The following CDK7 variants were observed in gnomAD, a reference collection of about 807,000 sequenced individuals.
The protein encoded by CDK7 is cyclin-dependent kinase 7.
CDK7 carries 25 observed loss-of-function variants against 49.1 expected under a neutral mutation model. That is an observed-to-expected ratio of 0.51 (90% CI 0.37 to 0.71). The LOEUF (loss-of-function observed/expected upper bound fraction) is 0.71, where lower values mean the gene tolerates loss of function less well. Among genes scored for constraint, CDK7 ranks in the 30% least tolerant of loss-of-function variants. The probability of loss-of-function intolerance (pLI) is 0.00; values close to 1 mark genes in which losing one functional copy is unlikely to be tolerated. For missense variants in CDK7, 316 were observed against 411.7 expected (o/e 0.77, Z 2.01); for synonymous variants, 107 against 140.0 (o/e 0.76, Z 1.67).
At chr5:69,248,827 G>T in intron 2 of CDK7, among the ~76,000 whole-genome samples, 1 of 109,314 alleles carries the variant, frequency 9.1e-6, no homozygotes, top group Non-Finnish European at 1.9e-5. Flanking sequence ...TTTGGAGACG[G>T]AGTCTTGTTT....
rs1488262538 is a variant in CDK7, at chr5:69,256,347, GT to G, written c.297+824del. ...TTTTGAAAGCCAAGTTTTTTTGTTT[GT>G]TTTTGTTTTTGTTTTGTTTTTTTGA... On this transcript the variant is annotated intron_variant, in intron 5 of 11. Transcript: ENST00000256443. Among the ~76,000 whole-genome samples, 25 of 151,906 alleles carry G rather than the reference GT, an allele frequency of 1.6e-4. 1 individual carries two copies. Among genetic ancestry groups the G allele is most frequent in the Admixed American group, 1.4e-3 (22 of 15,230 alleles).
chr5:69,243,822 A>ATTT (rs1749537849), intron 2 of CDK7, among the ~76,000 whole-genome samples: 1 of 105,830 alleles, frequency 9.4e-6, no homozygotes, highest in African/African-American at 3.5e-5. Context: ...CACCAATGAT[A>ATTT]GTTGTTTTTT....
intron 7 of CDK7, among the ~76,000 whole-genome samples, chr5:69,261,675 C>T (rs1750835634): frequency 1.3e-5 from 2 of 152,088 alleles, no homozygotes; most frequent in South Asian, 2.1e-4. Flanking sequence ...GGATTACAGG[C>T]GCCCACCACC....
intron 6 of CDK7, 43 bp from the exon 7 acceptor site, chr5:69,259,775 C>A (rs760988871): frequency 1.6e-6 from 2 of 1,280,558 alleles, no homozygotes. Flanking sequence ...CAGTGTTCTC[C>A]CCTACCCTGC....
intron 8 of CDK7, among the ~76,000 whole-genome samples, chr5:69,268,768 A>G (rs930081378): frequency 2.2e-5 from 3 of 137,256 alleles, no homozygotes; most frequent in Non-Finnish European, 4.6e-5. Context: ...CAGGAGAATG[A>G]CCTGAACCCA....
In CDK7 at chr5:69,276,657, A is replaced by T. The variant is rs746938896; in HGVS notation, c.979A>T (p.Ile327Leu). The change falls in exon 11 of 12, where the codon ATA becomes TTA. Residue 327 changes from isoleucine (I) to leucine (L), a missense_variant. Physicochemically the swap from Ile to Leu is conservative, Grantham distance 5 (BLOSUM62 2). Coordinates refer to ENST00000256443, the MANE Select transcript of CDK7 (RefSeq NM_001799.4). ...LKEQSNPALA[I>L]KRKRTEALEQ... ...GGAGCAATCAAATCCAGCTTTGGCA[A>T]TAAAAAGGAAAAGAACAGAGGCCTT... is the stretch of plus-strand genomic sequence containing the variant. 52 of 1,614,106 alleles carry T rather than the reference A, an allele frequency of 3.2e-5. No individual in the cohort carries two copies. In the South Asian group the frequency reaches 5.6e-4, roughly 17 times the overall value.
At chr5:69,252,474 CAGAT>C (rs769177208) in intron 3 of CDK7, 23 bp downstream of exon 3, 2 of 879,370 alleles carry the variant, frequency 2.3e-6, no homozygotes, top group Non-Finnish European at 3.4e-6. Context: ...TGTAATCTGA[CAGAT>C]AGGAAAAGTT....
At chr5:69,242,655 T>C (rs1749469248) in intron 2 of CDK7, among the ~76,000 whole-genome samples, 5 of 152,206 alleles carry the variant, frequency 3.3e-5, no homozygotes. Context: ...GAAAGGACTG[T>C]TAATCATCTT....
chr5:69,246,199 C>T (rs770507805), intron 2 of CDK7, among the ~76,000 whole-genome samples: 17 of 151,944 alleles, frequency 1.1e-4, no homozygotes, highest in African/African-American at 3.1e-4. Context: ...TGCAGTGGCG[C>T]GATCTTGGCT....
At chr5:69,239,389 G>A (rs758201539) in intron 2 of CDK7, among the ~76,000 whole-genome samples, 1 of 151,788 alleles carries the variant, frequency 6.6e-6, no homozygotes, top group Non-Finnish European at 1.5e-5. Flanking sequence ...GTTTTCTGTT[G>A]GATTACGTAC....
intron 2 of CDK7, among the ~76,000 whole-genome samples, chr5:69,235,738 T>G (rs545650961): frequency 6.6e-6 from 1 of 152,362 alleles, no homozygotes; most frequent in East Asian, 1.9e-4. Context: ...TCAGAACTAT[T>G]GGATACCATG....
intron 2 of CDK7, among the ~76,000 whole-genome samples, chr5:69,251,771 G>A (rs1245917177): frequency 1.3e-5 from 2 of 152,120 alleles, no homozygotes; most frequent in East Asian, 1.9e-4. Context: ...GGGATCAAGC[G>A]ATCCTCCCAC....
intron 2 of CDK7, among the ~76,000 whole-genome samples, chr5:69,247,647 T>A (rs1277929013): frequency 6.6e-6 from 1 of 152,168 alleles, no homozygotes; most frequent in Non-Finnish European, 1.5e-5. Context: ...TTTGTGGTCT[T>A]TCCTTCCTTC....
chr5:69,250,499 G>C (rs1435374960), intron 2 of CDK7, among the ~76,000 whole-genome samples: 1 of 152,200 alleles, frequency 6.6e-6, no homozygotes, highest in Non-Finnish European at 1.5e-5. Context: ...GGTACCACCA[G>C]TGTTCACTTA....
chr5:69,272,891 G>T lies in CDK7; in HGVS notation c.715-1G>T. 1.9e-6 allele frequency: 3 copies of T among 1,558,424 alleles called. No homozygotes were observed. In the South Asian group the frequency reaches 3.7e-5, roughly 19 times the overall value. ...TTTGAATTACAAAATTATTTTTACA[G>T]GACATGTGTAGTCTTCCAGATTATG... On this transcript the variant is annotated splice_acceptor_variant, in intron 9 of 11. Transcript: ENST00000256443. LOFTEE classifies it high-confidence loss of function.
chr5:69,243,132 T>A (rs915788059), intron 2 of CDK7, among the ~76,000 whole-genome samples: 12 of 152,360 alleles, frequency 7.9e-5, no homozygotes, highest in Non-Finnish European at 1.5e-4. Context: ...AATATGCCTT[T>A]TTGGCATGTT....
Position 69,277,219 on chromosome 5 carries a change from C to A in CDK7, c.*84C>A. 1 of 937,406 alleles carries A rather than the reference C, an allele frequency of 1.1e-6. No homozygotes were observed. Among genetic ancestry groups the A allele is most frequent in the Non-Finnish European group, 1.6e-6 (1 of 618,630 alleles). 58.1% of individuals were successfully genotyped at this position (937,406 alleles called of 1,614,324 possible). On this transcript the variant is annotated 3_prime_UTR_variant, in exon 12 of 12. Coordinates refer to ENST00000256443, the MANE Select transcript of CDK7 (RefSeq NM_001799.4). ...AAAAATAGTAAACATTAAGTAAATG[C>A]TGTAGAAGTGAGTTTGTAAATATTC...
At position 69,240,817 on chromosome 5, in the gene CDK7, C is replaced by T. The variant is rs185675366; in HGVS notation, c.126+5364C>T. On this transcript the variant is annotated intron_variant, in intron 2 of 11. Transcript: ENST00000256443. ...TAATTTTTTGTATTTTTAGTAGAGA[C>T]GGGGTTTCCATGTTGACCAGGATGG... Among the ~76,000 whole-genome samples the T allele has an allele frequency of 7.6e-4, 116 of 152,076 alleles. 1 individual carries two copies. Among genetic ancestry groups the T allele is most frequent in the Non-Finnish European group, 3.2e-4 (22 of 67,996 alleles).
chr5:69,277,040 G>C, intron 11 of CDK7, 67 bp from the exon 12 acceptor site: 2 of 1,353,628 alleles, frequency 1.5e-6, no homozygotes, highest in Non-Finnish European at 2.1e-6. Context: ...GGTTAAAATT[G>C]CTATGAGAAT....
Sources: gnomAD v4.1 joint callset for allele counts (sites outside exome capture counted in the v4.1 genomes callset) on GRCh38, gnomAD v4.1.1 for gene constraint, MANE v1.5 for transcripts, NCBI Gene and HGNC (gene_info 2026-07-23, HGNC 2026-07-21) for gene names.